The following TMEM184B variants were observed in gnomAD, a reference collection of about 807,000 sequenced individuals.
TMEM184B encodes the protein putative MAPK-activating protein FM08.
TMEM184B carries 17 observed loss-of-function variants against 41.8 expected under a neutral mutation model. That is an observed-to-expected ratio of 0.41 (90% CI 0.28 to 0.61). TMEM184B has a LOEUF of 0.61. Ranked by LOEUF, TMEM184B falls within the 20% of genes least tolerant of loss-of-function variation. The pLI is 0.34. For synonymous variants in TMEM184B, 240 were observed against 229.5 expected (o/e 1.05, Z -0.41); for missense variants, 393 against 557.8 (o/e 0.70, Z 2.98).
intron 3 of TMEM184B, among the ~76,000 whole-genome samples, chr22:38,240,732 C>CAAAAAAAAAAA (rs550793359): frequency 4.5e-5 from 3 of 66,566 alleles, no homozygotes; most frequent in African/African-American, 6.1e-5. Flanking sequence ...GAAAAAAAGG[C>CAAAAAAAAAAA]AAAAAAAAAA....
intron 1 of TMEM184B, among the ~76,000 whole-genome samples, chr22:38,251,236 T>C (rs1354394598): frequency 2.6e-5 from 4 of 152,220 alleles, no homozygotes; most frequent in Admixed American, 6.5e-5. Flanking sequence ...CAACTTATTT[T>C]ACTCTTGGGC....
At chr22:38,265,900 A>G (rs1371549815) in intron 1 of TMEM184B, among the ~76,000 whole-genome samples, 1 of 152,188 alleles carries the variant, frequency 6.6e-6, no homozygotes, top group Non-Finnish European at 1.5e-5. Flanking sequence ...TTTTCGGTAA[A>G]TGGGGAACAG....
chr22:38,235,123 C>A (rs188747549), intron 3 of TMEM184B, among the ~76,000 whole-genome samples: 1 of 152,210 alleles, frequency 6.6e-6, no homozygotes, highest in African/African-American at 2.4e-5. Context: ...AATGGACAGA[C>A]GTACATGGAC....
intron 5 of TMEM184B, among the ~76,000 whole-genome samples, chr22:38,227,421 T>G (rs2091477682): frequency 6.6e-6 from 1 of 152,082 alleles, no homozygotes; most frequent in Non-Finnish European, 1.5e-5. Flanking sequence ...CCTGGAGACC[T>G]TGGTGCCCGG....
At chr22:38,224,730 T>C in intron 8 of TMEM184B, 55 bp downstream of exon 8, 1 of 1,507,256 alleles carries the variant, frequency 6.6e-7, no homozygotes, top group Non-Finnish European at 8.9e-7. Context: ...GGTCCTGGGA[T>C]GTTTGGGGCT....
chr22:38,245,925 C>A lies in TMEM184B; in HGVS notation c.358+10G>T. 1.2e-6 allele frequency: 2 copies of A among 1,609,554 alleles called. No homozygotes were observed. Among genetic ancestry groups the A allele is most frequent in the Non-Finnish European group, 8.5e-7 (1 of 1,179,102 alleles). Reference sequence around the variant, plus strand: ...CCCGCCAGCCCTCCCCACTCCGTCCCCATCCTCACCCTCATAGCAGTCGCG... The same window carrying A: ...CCCGCCAGCCCTCCCCACTCCGTCCACATCCTCACCCTCATAGCAGTCGCG... On this transcript the variant is annotated intron_variant, in intron 3 of 8. Coordinates refer to ENST00000361906, the MANE Select transcript of TMEM184B (RefSeq NM_012264.5).
downstream of TMEM184B, among the ~76,000 whole-genome samples, chr22:38,217,697 C>T (rs182783985): frequency 2.0e-5 from 3 of 149,510 alleles, no homozygotes; most frequent in Non-Finnish European, 4.4e-5. Context: ...AGTGTGGTGG[C>T]GCATGTCTGT....
intron 1 of TMEM184B, among the ~76,000 whole-genome samples, chr22:38,269,124 GCA>G (rs1569061254): frequency 6.6e-6 from 1 of 152,204 alleles, no homozygotes. Context: ...GCTAATAAGC[GCA>G]CAGATTTAAA....
intron 1 of TMEM184B, among the ~76,000 whole-genome samples, chr22:38,265,291 G>A (rs1031281108): frequency 2.6e-5 from 4 of 152,114 alleles, no homozygotes; most frequent in South Asian, 4.1e-4. Flanking sequence ...AGAGAGCACC[G>A]GCTCCTCAGC....
rs1327676889 is a variant in TMEM184B, at chr22:38,242,894, T to A, written c.358+3041A>T. ...CTGGCCAACATGGTGAAACCCCGTC[T>A]CTACTAAAAATACAAAAATTAGCTG... On this transcript the variant is annotated intron_variant, in intron 3 of 8. Transcript: ENST00000361906. Among the ~76,000 whole-genome samples the A allele has an allele frequency of 5.9e-5, 9 of 151,994 alleles. No homozygotes were observed. The East Asian group carries it at 1.7e-3, about 29-fold the overall frequency.
chr22:38,218,995 G>A (rs1344844725), downstream of TMEM184B, among the ~76,000 whole-genome samples: 9 of 152,232 alleles, frequency 5.9e-5, no homozygotes, highest in African/African-American at 2.2e-4. Flanking sequence ...GCCTGCAGGA[G>A]CGGGGCTGCC....
At chr22:38,272,799 G>T in intron 1 of TMEM184B, 85 bp downstream of exon 1, 1 of 984,058 alleles carries the variant, frequency 1.0e-6, no homozygotes, top group African/African-American at 1.7e-5. Context: ...CCTCGCGCGG[G>T]CCTCTCCGAA....
At chr22:38,228,442 C>T (rs1354183484) in intron 5 of TMEM184B, among the ~76,000 whole-genome samples, 1 of 152,190 alleles carries the variant, frequency 6.6e-6, no homozygotes, top group Non-Finnish European at 1.5e-5. Flanking sequence ...CCCAGGCCAG[C>T]AGGCCCCAGA....
intron 1 of TMEM184B, among the ~76,000 whole-genome samples, chr22:38,265,872 G>T (rs1205543370): frequency 1.3e-5 from 2 of 152,226 alleles, no homozygotes; most frequent in Non-Finnish European, 2.9e-5. Flanking sequence ...CATGGGGTTA[G>T]TTATTTTCTC....
At chr22:38,254,967 C>G (rs2092249794) in intron 1 of TMEM184B, among the ~76,000 whole-genome samples, 2 of 151,612 alleles carry the variant, frequency 1.3e-5, no homozygotes, top group Admixed American at 1.3e-4. Context: ...TTCTCTGCCT[C>G]TGTCTCCTGA....
chr22:38,251,030 A>G (rs969926024), intron 1 of TMEM184B, among the ~76,000 whole-genome samples: 4 of 152,012 alleles, frequency 2.6e-5, no homozygotes, highest in African/African-American at 9.7e-5. Flanking sequence ...AAGTGGGGGG[A>G]CCTAGCTGAG....
chr22:38,262,723 G>A (rs2092389475), intron 1 of TMEM184B, among the ~76,000 whole-genome samples: 1 of 152,154 alleles, frequency 6.6e-6, no homozygotes, highest in Non-Finnish European at 1.5e-5. Context: ...CGGGACCGGG[G>A]GTCGTATTTA....
rs146825517 is a variant in TMEM184B, at chr22:38,220,335, G to A, written c.*1134C>T. ...CTGAACTAAGAGCCCCAGGGAGCGTGTGGGACAGATGGGGAGCCAGGGAGG... is the reference window on the plus strand; with the variant it reads ...CTGAACTAAGAGCCCCAGGGAGCGTATGGGACAGATGGGGAGCCAGGGAGG... On this transcript the variant is annotated 3_prime_UTR_variant, in exon 9 of 9. Transcript: ENST00000361906. The A allele has an allele frequency of 1.7e-4, 169 of 986,402 alleles. No individual in the cohort carries two copies. In the African/African-American group the frequency reaches 2.8e-3, roughly 16 times the overall value. 61.1% of individuals were successfully genotyped at this position (986,402 alleles called of 1,614,324 possible).
At chr22:38,242,206 G>A (rs919708641) in intron 3 of TMEM184B, among the ~76,000 whole-genome samples, 5 of 151,698 alleles carry the variant, frequency 3.3e-5, no homozygotes, top group African/African-American at 4.8e-5. Context: ...GGTGGCTCAC[G>A]CCTGTAATCC....
Sources: allele counts gnomAD v4.1 joint callset (sites outside exome capture counted in the v4.1 genomes callset), GRCh38; gene constraint gnomAD v4.1.1; transcripts MANE v1.5; gene names NCBI Gene and HGNC (gene_info 2026-07-23, HGNC 2026-07-21).